Variants in TOP3B observed in about 807,000 individuals in gnomAD.
TOP3B encodes DNA topoisomerase III beta, also known as DNA topoisomerase 3-beta-1.
Under a neutral mutation model 93.9 loss-of-function variants are expected in TOP3B, and 45 were observed. The ratio of observed to expected loss-of-function variants is 0.48; its 90% CI spans 0.38 to 0.61. The LOEUF (loss-of-function observed/expected upper bound fraction) is 0.61, where lower values mean the gene tolerates loss of function less well. Among genes scored for constraint, TOP3B ranks in the 20% least tolerant of loss-of-function variants. The probability of loss-of-function intolerance (pLI) is 0.00; values close to 1 mark genes in which losing one functional copy is unlikely to be tolerated. For synonymous variants in TOP3B, 357 were observed against 472.6 expected (o/e 0.76, Z 3.17); for missense variants, 750 against 1,156.1 (o/e 0.65, Z 5.09).
At chr22:21,975,937 G>A in intron 1 of TOP3B, 130 bp from the exon 2 acceptor site, 1 of 532,550 alleles carries the variant, frequency 1.9e-6, no homozygotes, top group South Asian at 8.3e-5. Flanking sequence ...TAGGGAATTA[G>A]GGAAACTTGA....
chr22:21,959,504 G>A (rs1159319489), intron 15 of TOP3B, 83 bp downstream of exon 15: 100 of 1,525,976 alleles, frequency 6.6e-5, no homozygotes, highest in Non-Finnish European at 7.0e-5. Context: ...CTGGTCCCAC[G>A]TGGGGACCTG....
intron 7 of TOP3B, 169 bp downstream of exon 7, chr22:21,968,450 C>A: frequency 1.4e-6 from 1 of 719,330 alleles, no homozygotes; most frequent in Non-Finnish European, 2.3e-6. Flanking sequence ...CCACTGCCCC[C>A]ATGAAGGCTG....
rs1051601085 is a variant in TOP3B, at chr22:21,972,306, T to G, written c.309+306A>C. On this transcript the variant is annotated intron_variant, in intron 4 of 17. Coordinates refer to ENST00000357179, the MANE Select transcript of TOP3B (RefSeq NM_001282112.2). ...TTTCTGTCTTTCTACTTATCTGCAC[T>G]TTCTAATTTTCCATAATCTGTATGC... 13 of 460,894 alleles carry G rather than the reference T, an allele frequency of 2.8e-5. No individual in the cohort carries two copies. The South Asian group carries it at 4.2e-4, about 15-fold the overall frequency. 28.6% of individuals were successfully genotyped at this position (460,894 alleles called of 1,614,324 possible).
Position 21,971,509 on chromosome 22 carries a change from G to C in TOP3B, c.384+368C>G. 1 of 354,236 alleles carries C rather than the reference G, an allele frequency of 2.8e-6. No homozygotes were observed. The highest frequency in any genetic ancestry group is 5.5e-6 in the Non-Finnish European group (1 of 181,154). 21.9% of individuals were successfully genotyped at this position (354,236 alleles called of 1,614,324 possible). On this transcript the variant is annotated intron_variant, in intron 5 of 17. Coordinates refer to ENST00000357179, the MANE Select transcript of TOP3B (RefSeq NM_001282112.2). The surrounding 1 kb of genome is among the most constrained non-coding windows in gnomAD (Gnocchi z 4.6). The stretch of plus-strand genomic sequence containing the variant: ...GCAAAAGGAGCTCAGTGCTGAGGTC[G>C]GGAATCAACCAGCATCAACCCAAGG...
intron 7 of TOP3B, 33 bp downstream of exon 7, chr22:21,968,586 A>G: frequency 3.1e-6 from 5 of 1,610,298 alleles, no homozygotes; most frequent in Non-Finnish European, 4.2e-6. Context: ...CAAACCCAGA[A>G]AGCCCCAGCA....
In TOP3B at chr22:21,971,576, G is replaced by C. The variant is rs757999896; in HGVS notation, c.384+301C>G. ...CTGGGCACAAGATGCTGAACACCAA[G>C]CTGCCCCAAGACAATCCCATTCTGA... On this transcript the variant is annotated intron_variant, in intron 5 of 17. Coordinates refer to ENST00000357179, the MANE Select transcript of TOP3B (RefSeq NM_001282112.2). The surrounding 1 kb of genome is among the most constrained non-coding windows in gnomAD (Gnocchi z 4.6). 2.2e-4 allele frequency: 97 copies of C among 431,580 alleles called. No individual in the cohort carries two copies. The Middle Eastern group carries it at 4.3e-3, about 19-fold the overall frequency. 26.7% of individuals were successfully genotyped at this position (431,580 alleles called of 1,614,324 possible).
chr22:21,967,963 C>G (rs1192653706), intron 7 of TOP3B: 1 of 488,016 alleles, frequency 2.0e-6, no homozygotes, highest in Non-Finnish European at 3.7e-6. Context: ...GCTGATGTGT[C>G]CCTAAGAAGC....
Position 21,971,943 on chromosome 22 carries a change from G to GCCCTCCAA in TOP3B, c.317_318insTTGGAGGG (p.Arg107TrpfsTer34), listed in dbSNP as rs1458326353. 1.2e-6 allele frequency: 2 copies of GCCCTCCAA among 1,612,752 alleles called. No homozygotes were observed. Among genetic ancestry groups the GCCCTCCAA allele is most frequent in the Non-Finnish European group, 1.7e-6 (2 of 1,179,680 alleles). ...ACAGCACGATGTAGTCGCAGCCTCTGCCCTCCACCTGCCACACAGCACAGG... is the reference window on the plus strand; with the variant it reads ...ACAGCACGATGTAGTCGCAGCCTCTGCCCTCCAACCCTCCACCTGCCACACAGCACAGG... On this transcript the variant is annotated frameshift_variant, in exon 5 of 18. Transcript: ENST00000357179. LOFTEE classifies it high-confidence loss of function. The surrounding 1 kb of genome is among the most constrained non-coding windows in gnomAD (Gnocchi z 4.6).
Position 21,958,514 on chromosome 22 carries a change from T to C in TOP3B, c.2085A>G (p.Pro695=). 1.2e-6 allele frequency: 2 copies of C among 1,613,380 alleles called. No homozygotes were observed. Among genetic ancestry groups the C allele is most frequent in the Non-Finnish European group, 8.5e-7 (1 of 1,179,880 alleles). Residue 695 remains proline, a synonymous_variant, in exon 17 of 18, where the codon CCA becomes CCG. Transcript: ENST00000357179. The part of the protein sequence containing the change: ...YPLCPYCYNH[P]PFRDMKKGMG... The stretch of plus-strand genomic sequence containing the variant: ...CACCTTTCTTCATGTCTCGGAAGGG[T>C]GGGTGGTTGTAGCAGTAGGGGCACA...
chr22:21,979,138 CA>C (rs773809121), intron 1 of TOP3B, among the ~76,000 whole-genome samples: 5 of 151,978 alleles, frequency 3.3e-5, no homozygotes, highest in Non-Finnish European at 7.4e-5. Context: ...TGGGAGAGTC[CA>C]GGTGAGTAGG....
intron 13 of TOP3B, chr22:21,961,589 G>A (rs987194701): frequency 1.6e-4 from 24 of 152,718 alleles, no homozygotes; most frequent in Admixed American, 1.6e-3. Context: ...CCCCTGAGAG[G>A]AGCAAGCCCA....
chr22:21,960,668 G>T, intron 13 of TOP3B: 1 of 606,680 alleles, frequency 1.6e-6, no homozygotes, highest in Non-Finnish European at 2.8e-6. Flanking sequence ...AGCCCTCCCT[G>T]TACAGGGCGC....
At chr22:21,972,520 G>C in intron 4 of TOP3B, 92 bp downstream of exon 4, 1 of 997,148 alleles carries the variant, frequency 1.0e-6, no homozygotes, top group South Asian at 1.6e-5. Flanking sequence ...TGTCCAAGGG[G>C]GATTAGGACT....
At position 21,970,022 on chromosome 22, in the gene TOP3B, G is replaced by A; in HGVS notation, c.581+188C>T. 1.7e-6 allele frequency: 1 copy of A among 591,464 alleles called. No homozygotes were observed. The highest frequency in any genetic ancestry group is 2.9e-6 in the Non-Finnish European group (1 of 344,986). 36.6% of individuals were successfully genotyped at this position (591,464 alleles called of 1,614,324 possible). A position where few individuals can be genotyped will look rare whatever the true frequency, so the allele number is the denominator to read the frequency against. On this transcript the variant is annotated intron_variant, in intron 6 of 17. Coordinates refer to ENST00000357179, the MANE Select transcript of TOP3B (RefSeq NM_001282112.2). This position sits in a 1 kb window ranked among gnomAD's most constrained non-coding sequence, Gnocchi z 4.4. ...CAACCTCAAGCAATCCTCCTATCCT[G>A]GTCTCCCAAAGTGCAGGGATTACAG...
In TOP3B at chr22:21,972,638, T is replaced by C; in HGVS notation, c.283A>G (p.Lys95Glu). 6.2e-7 allele frequency: 1 copy of C among 1,611,052 alleles called. No homozygotes were observed. The highest frequency in any genetic ancestry group is 1.1e-5 in the South Asian group (1 of 90,986). ...TGCAGGAACTTCACCATGTTCAGCT[T>C]GGGGTTAGCTTCTTTCTTCTCCGTG... ...APTEKKEANP[K>E]LNMVKFLQVE... The change falls in exon 4 of 18, where the codon AAG (lysine) becomes GAG (glutamate). Residue 95 changes from lysine to glutamate, a missense_variant. By Grantham distance (56) the Lys-to-Glu change is moderately conservative (BLOSUM62 1). This residue lies in a region of TOP3B where 737 missense variants were observed against 933.7 expected (regional missense o/e 0.79). Coordinates refer to ENST00000357179, the MANE Select transcript of TOP3B (RefSeq NM_001282112.2).
chr22:21,970,878 G>A lies in TOP3B; in HGVS notation c.385-472C>T. The A allele has an allele frequency of 1.8e-6, 1 of 565,242 alleles. No homozygotes were observed. Among genetic ancestry groups the A allele is most frequent in the South Asian group, 2.8e-5 (1 of 35,768 alleles). The allele number at this position is 565,242 out of a possible 1,614,324, so 35.0% of individuals were successfully genotyped here. ...ACAGGGAAGGAAAAAAGAATGAAGGGGAAAGGAAATGGGCAAGAGCAGGAA... is the reference window on the plus strand; with the variant it reads ...ACAGGGAAGGAAAAAAGAATGAAGGAGAAAGGAAATGGGCAAGAGCAGGAA... On this transcript the variant is annotated intron_variant, in intron 5 of 17. Transcript: ENST00000357179. The surrounding 1 kb of genome is among the most constrained non-coding windows in gnomAD (Gnocchi z 4.4).
chr22:21,981,183 T>C (rs2084623596), intron 1 of TOP3B, among the ~76,000 whole-genome samples: 1 of 152,218 alleles, frequency 6.6e-6, no homozygotes, highest in Non-Finnish European at 1.5e-5. Context: ...TCAGCAATTA[T>C]GTATGACATA....
chr22:21,958,824 C>T (rs2071041340), intron 16 of TOP3B, 131 bp from the exon 17 acceptor site: 1 of 1,393,884 alleles, frequency 7.2e-7, no homozygotes, highest in East Asian at 2.5e-5. Flanking sequence ...AGGCAAGGAG[C>T]ATGAGTCTCT....
chr22:21,960,267 A>G, intron 14 of TOP3B, 54 bp downstream of exon 14: 1 of 1,610,482 alleles, frequency 6.2e-7, no homozygotes, highest in Non-Finnish European at 8.5e-7. Flanking sequence ...GCCAACATCC[A>G]GGGAGAAGCC....
Sources: gnomAD v4.1 joint callset for allele counts (sites outside exome capture counted in the v4.1 genomes callset) on GRCh38, gnomAD v4.1.1 for gene constraint, gnomAD v4.1.1 regional missense constraint, Gnocchi (gnomAD v3.1) non-coding constraint, MANE v1.5 for transcripts, NCBI Gene and HGNC (gene_info 2026-07-23, HGNC 2026-07-21) for gene names.